SEC16A: variants seen among roughly 807,000 people sequenced by gnomAD.
SEC16A encodes the protein protein transport protein Sec16A.
SEC16A carries 110 observed loss-of-function variants against 221.9 expected under a neutral mutation model. The ratio of observed to expected loss-of-function variants is 0.50; its 90% CI spans 0.42 to 0.58. SEC16A has a LOEUF of 0.58. Ranked by LOEUF, SEC16A falls within the 20% of genes least tolerant of loss-of-function variation. The pLI is 0.00. For missense variants in SEC16A, 3,165 were observed against 3,097.8 expected, an observed-to-expected ratio of 1.02 and a Z score of -0.52; for synonymous variants, 1,393 against 1,257.7, an observed-to-expected ratio of 1.11 and a Z score of -2.28.
At chr9:136,457,101 A>G (rs1174899957) in intron 18 of SEC16A, among the ~76,000 whole-genome samples, 1 of 152,206 alleles carries the variant, frequency 6.6e-6, no homozygotes, top group Non-Finnish European at 1.5e-5. Flanking sequence ...TGAATCTGGG[A>G]GGCGGAGGTT....
At position 136,468,508 on chromosome 9, in the gene SEC16A, C is replaced by T; in HGVS notation, c.3709G>A (p.Gly1237Arg). 6.2e-7 allele frequency: 1 copy of T among 1,602,584 alleles called. No individual in the cohort carries two copies. Among genetic ancestry groups the T allele is most frequent in the Non-Finnish European group, 8.5e-7 (1 of 1,170,164 alleles). ...HSSERPPPRQ[G>R]YPEGYYSSKS... ...GAACTATAGTATCCTTCAGGATATC[C>T]TTGCCTGAAAAAACACACAGTGCTG... is the stretch of plus-strand genomic sequence containing the variant. The change falls in exon 5 of 32, where the codon GGA becomes AGA. Residue 1237 changes from glycine to arginine, a missense_variant. Physicochemically the swap from Gly to Arg is moderately radical, Grantham distance 125 (BLOSUM62 -2). Transcript: ENST00000684901.
Position 136,455,676 on chromosome 9 carries a change from TC to T in SEC16A, c.5781del (p.Ile1928SerfsTer60). The T allele has an allele frequency of 6.3e-7, 1 of 1,593,402 alleles. No homozygotes were observed. The highest frequency in any genetic ancestry group is 8.5e-7 in the Non-Finnish European group (1 of 1,170,906). ...RPGLSQPGAL[G>X]IANPLLAVPA... ...GGCACCGCCAGCAGAGGGTTGGCGA[TC>T]CCCAGGGCTCCTGGCTGACTGAGTC... On this transcript the variant is annotated frameshift_variant, in exon 20 of 32. Transcript: ENST00000684901. LOFTEE classifies it high-confidence loss of function.
At chr9:136,472,661 C>G (rs1841032206) in intron 3 of SEC16A, among the ~76,000 whole-genome samples, 1 of 152,226 alleles carries the variant, frequency 6.6e-6, no homozygotes, top group East Asian at 1.9e-4. Flanking sequence ...CATCACCAAC[C>G]AATTCGTGGC....
chr9:136,476,376 C>G lies in SEC16A; in HGVS notation c.1240G>C (p.Ala414Pro). Residue 414 changes from alanine to proline, a missense_variant, in exon 3 of 32, where the codon GCA (alanine) becomes CCA (proline). Transcript: ENST00000684901. ...CSSPGLGRPP[A>P]PTHVGAGSLC... is the part of the protein sequence containing the mutation. Reference sequence around the variant, plus strand: ...CTGCCTGCCCCCACGTGTGTAGGTGCGGGCGGACGGCCTAGCCCAGGGCTG... The same window carrying G: ...CTGCCTGCCCCCACGTGTGTAGGTGGGGGCGGACGGCCTAGCCCAGGGCTG... 1 of 1,612,680 alleles carries G rather than the reference C, an allele frequency of 6.2e-7. No homozygotes were observed. Among genetic ancestry groups the G allele is most frequent in the South Asian group, 1.1e-5 (1 of 91,068 alleles).
rs569882517 is a variant in SEC16A at position 136,448,361 on chromosome 9, C to T, written c.6313-200G>A. On this transcript the variant is annotated intron_variant, in intron 23 of 31. Coordinates refer to ENST00000684901, the MANE Select transcript of SEC16A (RefSeq NM_014866.2). ...GAGGTGGGGAGCAGATCCACAGAGACACCAGGAGGATGGAGGTGGGGGGCG... is the reference window on the plus strand; with the variant it reads ...GAGGTGGGGAGCAGATCCACAGAGATACCAGGAGGATGGAGGTGGGGGGCG... 4.3e-6 allele frequency: 3 copies of T among 700,848 alleles called. No homozygotes were observed. In the East Asian group the frequency reaches 8.2e-5, roughly 19 times the overall value. 43.4% of individuals were successfully genotyped at this position (700,848 alleles called of 1,614,324 possible).
rs2131656023 is a variant in SEC16A, at chr9:136,441,502, A to C, written c.*253T>G. The C allele has an allele frequency of 1.8e-6, 1 of 552,948 alleles. No homozygotes were observed. The allele number at this position is 552,948 out of a possible 1,614,324, so 34.3% of individuals were successfully genotyped here. On this transcript the variant is annotated 3_prime_UTR_variant, in exon 32 of 32. Transcript: ENST00000684901. ...ATCATCCTAAATGACTAAGAAAGTCACATCATTCTTTTCGGCAAACAATTC... is the reference window on the plus strand; with the variant it reads ...ATCATCCTAAATGACTAAGAAAGTCCCATCATTCTTTTCGGCAAACAATTC...
chr9:136,463,535 A>G lies in SEC16A; in HGVS notation c.4575T>C (p.Asn1525=). 1 of 1,613,936 alleles carries G rather than the reference A, an allele frequency of 6.2e-7. No individual in the cohort carries two copies. Among genetic ancestry groups the G allele is most frequent in the Non-Finnish European group, 8.5e-7 (1 of 1,179,884 alleles). Residue 1525 remains asparagine (N), a synonymous_variant, in exon 11 of 32, where the codon AAT becomes AAC. Coordinates refer to ENST00000684901, the MANE Select transcript of SEC16A (RefSeq NM_014866.2). ...AQNKAMKCLQ[N]ENLIDKESAS... is the part of the protein sequence containing the mutation. ...CAGACTCTTTGTCAATTAAGTTTTC[A>G]TTCTGCAAACATTTCATAGCTTTGT...
At position 136,474,918 on chromosome 9, in the gene SEC16A, T is replaced by C. The variant is rs746152731; in HGVS notation, c.2698A>G (p.Ser900Gly). ...TSSVLSLSLP[S>G]SVAQSNFPQG... Reference sequence around the variant, plus strand: ...GGAAAATTACTTTGGGCAACACTGCTAGGCAGAGACAAGCTAAGGACAGAG... The same window carrying C: ...GGAAAATTACTTTGGGCAACACTGCCAGGCAGAGACAAGCTAAGGACAGAG... Residue 900 changes from serine to glycine, a missense_variant, in exon 3 of 32, where the codon AGC becomes GGC. Coordinates refer to ENST00000684901, the MANE Select transcript of SEC16A (RefSeq NM_014866.2). The C allele has an allele frequency of 1.7e-5, 27 of 1,613,738 alleles. No homozygotes were observed. In the African/African-American group the frequency reaches 3.3e-4, roughly 20 times the overall value.
In SEC16A at chr9:136,459,936, C is replaced by T; in HGVS notation, c.5074-62G>A. On this transcript the variant is annotated intron_variant, in intron 14 of 31. Transcript: ENST00000684901. This position sits in a 1 kb window ranked among gnomAD's most constrained non-coding sequence, Gnocchi z 6.1. Reference sequence around the variant, plus strand: ...GGAAGCCAGCGCCATTTCAATTCCACACAGCTGGGCTCACCAGGCACCTCA... The same window carrying T: ...GGAAGCCAGCGCCATTTCAATTCCATACAGCTGGGCTCACCAGGCACCTCA... The T allele has an allele frequency of 1.3e-6, 2 of 1,548,316 alleles. No individual in the cohort carries two copies. Among genetic ancestry groups the T allele is most frequent in the Admixed American group, 1.8e-5 (1 of 54,100 alleles).
At position 136,446,904 on chromosome 9, in the gene SEC16A, G is replaced by A. The variant is rs1267107853; in HGVS notation, c.6743C>T (p.Pro2248Leu). ...ATTGGCCAGGCCCCTAGCTGCTGCA[G>A]GCCCTTCCCTGCCAGTCCCGTCTGG... Reference protein sequence around the residue: ...QLPDGTGREGPAAARGLANPE... With the variant: ...QLPDGTGREGLAAARGLANPE... The change falls in exon 28 of 32, where the codon CCT (proline) becomes CTT (leucine). Residue 2248 changes from proline (P) to leucine (L), a missense_variant. Coordinates refer to ENST00000684901, the MANE Select transcript of SEC16A (RefSeq NM_014866.2). 1 of 1,613,460 alleles carries A rather than the reference G, an allele frequency of 6.2e-7. No individual in the cohort carries two copies. Among genetic ancestry groups the A allele is most frequent in the Non-Finnish European group, 8.5e-7 (1 of 1,179,824 alleles).
At position 136,454,177 on chromosome 9, in the gene SEC16A, A is replaced by G; in HGVS notation, c.6008T>C (p.Leu2003Pro). The G allele has an allele frequency of 6.4e-7, 1 of 1,558,822 alleles. No homozygotes were observed. Among genetic ancestry groups the G allele is most frequent in the Non-Finnish European group, 8.7e-7 (1 of 1,151,094 alleles). Reference sequence around the variant, plus strand: ...CTGCAGAGGTGGCACACCAGGTGGGAGGCCAGGCCCGGAGGGCTCCAGGAA... The same window carrying G: ...CTGCAGAGGTGGCACACCAGGTGGGGGGCCAGGCCCGGAGGGCTCCAGGAA... ...LGFLEPSGPG[L>P]PPGVPPLQER... Residue 2003 changes from leucine (L) to proline (P), a missense_variant, in exon 21 of 32, where the codon CTC becomes CCC. By Grantham distance (98) the Leu-to-Pro change is moderately conservative. This residue lies in a region of SEC16A where 1,088 missense variants were observed against 1,089.6 expected (regional missense o/e 1.00). Transcript: ENST00000684901.
Position 136,447,974 on chromosome 9 carries a change from AATG to A in SEC16A, c.6391-68_6391-66del, listed in dbSNP as rs1837238959. The A allele has an allele frequency of 7.2e-6, 11 of 1,527,852 alleles. No homozygotes were observed. The highest frequency in any genetic ancestry group is 9.9e-6 in the Non-Finnish European group (11 of 1,116,646). The allele number at this position is 1,527,852 out of a possible 1,614,324, so 94.6% of individuals were successfully genotyped here. A position where few individuals can be genotyped will look rare whatever the true frequency, so the allele number is the denominator to read the frequency against. On this transcript the variant is annotated intron_variant, in intron 24 of 31. Transcript: ENST00000684901. The surrounding 1 kb of genome is among the most constrained non-coding windows in gnomAD (Gnocchi z 5.5). ...ACCTAAACAGAATTAGCATCTGATT[AATG>A]ATGACACTTCAAAACTTCAGGAAAC...
At position 136,459,096 on chromosome 9, in the gene SEC16A, C is replaced by A. The variant is rs1839119947; in HGVS notation, c.5409+38G>T. Reference sequence around the variant, plus strand: ...AAGCTTGTTAGCACTGAGTGCCTGCCCAGCCATGACAGCTGCAGGCTGGCA... The same window carrying A: ...AAGCTTGTTAGCACTGAGTGCCTGCACAGCCATGACAGCTGCAGGCTGGCA... On this transcript the variant is annotated intron_variant, in intron 17 of 31. Transcript: ENST00000684901. This position sits in a 1 kb window ranked among gnomAD's most constrained non-coding sequence, Gnocchi z 6.1. The A allele has an allele frequency of 6.7e-7, 1 of 1,493,290 alleles. No individual in the cohort carries two copies. The highest frequency in any genetic ancestry group is 9.2e-7 in the Non-Finnish European group (1 of 1,087,288). 92.5% of individuals were successfully genotyped at this position (1,493,290 alleles called of 1,614,324 possible). A position where few individuals can be genotyped will look rare whatever the true frequency, so the allele number is the denominator to read the frequency against.
intron 13 of SEC16A, 112 bp from the exon 14 acceptor site, chr9:136,460,235 G>C: frequency 1.3e-6 from 1 of 769,112 alleles, no homozygotes; most frequent in South Asian, 1.6e-5. Flanking sequence ...GGCCAAAGTG[G>C]GCGGATCACC....
Position 136,445,723 on chromosome 9 carries a change from C to T in SEC16A, c.6793-4G>A. The T allele has an allele frequency of 6.4e-7, 1 of 1,551,392 alleles. No homozygotes were observed. On this transcript the variant is annotated splice_region_variant and splice_polypyrimidine_tract_variant and intron_variant, in intron 28 of 31. Coordinates refer to ENST00000684901, the MANE Select transcript of SEC16A (RefSeq NM_014866.2). ...GTGACGCTGCAGAGCTTAAAACCTG[C>T]CGAGGAAAAGAAGAATTGCAGCAAC...
intron 13 of SEC16A, 54 bp from the exon 14 acceptor site, chr9:136,460,177 A>C: frequency 1.4e-6 from 2 of 1,457,516 alleles, no homozygotes; most frequent in Non-Finnish European, 9.4e-7. Context: ...AAAAGAAAAA[A>C]GCCGGCCGGA....
chr9:136,477,471 G>A lies in SEC16A; in HGVS notation c.145C>T (p.Gln49Ter). The A allele has an allele frequency of 6.2e-7, 1 of 1,614,026 alleles. No individual in the cohort carries two copies. Among genetic ancestry groups the A allele is most frequent in the Non-Finnish European group, 8.5e-7 (1 of 1,179,910 alleles). Reference sequence around the variant, plus strand: ...AAAGCAAATGGATCCGTGACCGGCTGCAACGGGCAAGTTGTCGGAGCCACT... The same window carrying A: ...AAAGCAAATGGATCCGTGACCGGCTACAACGGGCAAGTTGTCGGAGCCACT... The part of the protein sequence containing the change: ...AAVAPTTCPL[Q>*]PVTDPFAFSR... Residue 49 changes from glutamine (Q) to a stop codon, truncating the protein, a stop_gained, in exon 3 of 32, where the codon CAG (glutamine) becomes TAG (stop). Coordinates refer to ENST00000684901, the MANE Select transcript of SEC16A (RefSeq NM_014866.2). LOFTEE classifies it high-confidence loss of function.
chr9:136,473,877 C>T (rs1015026426), intron 3 of SEC16A, among the ~76,000 whole-genome samples, 172 bp downstream of exon 3: 1 of 152,212 alleles, frequency 6.6e-6, no homozygotes. Flanking sequence ...GTTCTGGAGC[C>T]GGGAGCCCTG....
rs755452564 is a variant in SEC16A at position 136,451,278 on chromosome 9, T to C, written c.6290A>G (p.Lys2097Arg). 2 of 1,612,696 alleles carry C rather than the reference T, an allele frequency of 1.2e-6. No homozygotes were observed. Among genetic ancestry groups the C allele is most frequent in the Non-Finnish European group, 1.7e-6 (2 of 1,179,374 alleles). ...TACCTTCTTAGGTTCCTTCGTTTCT[T>C]TCTTGGCTGCCTGTCCGGGTCTCTT... ...ETKRPGQAAKKETKEPKKGES... is the reference protein window; with the variant it reads ...ETKRPGQAAKRETKEPKKGES... The change falls in exon 23 of 32, where the codon AAA becomes AGA. Residue 2097 changes from lysine to arginine, a missense_variant. Physicochemically the swap from Lys to Arg is conservative, Grantham distance 26 (BLOSUM62 2). Transcript: ENST00000684901.
Sources: gnomAD v4.1 joint callset for allele counts (sites outside exome capture counted in the v4.1 genomes callset) on GRCh38, gnomAD v4.1.1 for gene constraint, gnomAD v4.1.1 regional missense constraint, Gnocchi (gnomAD v3.1) non-coding constraint, MANE v1.5 for transcripts, NCBI Gene and HGNC (gene_info 2026-07-23, HGNC 2026-07-21) for gene names.